Variants in BICRAL observed in about 807,000 individuals in gnomAD.
BICRAL encodes BRD4-interacting chromatin-remodeling complex-associated protein-like.
Under a neutral mutation model 91.8 loss-of-function variants are expected in BICRAL, and 8 were observed. The ratio of observed to expected loss-of-function variants is 0.09; its 90% CI spans 0.05 to 0.16. BICRAL has a LOEUF of 0.16. Ranked by LOEUF, BICRAL falls within the 10% of genes least tolerant of loss-of-function variation. The probability of loss-of-function intolerance (pLI) is 1.00; values close to 1 mark genes in which losing one functional copy is unlikely to be tolerated. For synonymous variants in BICRAL, 445 were observed against 491.1 expected, an observed-to-expected ratio of 0.91 and a Z score of 1.24; for missense variants, 1,038 against 1,310.9, an observed-to-expected ratio of 0.79 and a Z score of 3.21.
intron 1 of BICRAL, among the ~76,000 whole-genome samples, chr6:42,802,594 A>ATGTGC (rs1763609702): frequency 6.6e-6 from 1 of 152,018 alleles, no homozygotes; most frequent in Admixed American, 6.6e-5. Flanking sequence ...GATTACAGGC[A>ATGTGC]CACACCAGCA....
At chr6:42,750,789 G>A (rs1346131484) in intron 1 of BICRAL, among the ~76,000 whole-genome samples, 2 of 151,478 alleles carry the variant, frequency 1.3e-5, no homozygotes, top group Admixed American at 1.3e-4. Context: ...GTTGGGCCAG[G>A]CTGGTCTTGA....
At chr6:42,808,194 C>T (rs527281325) in intron 1 of BICRAL, among the ~76,000 whole-genome samples, 3 of 149,792 alleles carry the variant, frequency 2.0e-5, no homozygotes, top group East Asian at 2.0e-4. Context: ...TGCAATGGTG[C>T]GATCTTGGCT....
In BICRAL at chr6:42,829,617, A is replaced by G. The variant is rs3823422; in HGVS notation, c.1284A>G (p.Gln428=). The G allele has an allele frequency of 1.8e-5, 29 of 1,613,776 alleles. No individual in the cohort carries two copies. In the East Asian group the frequency reaches 4.9e-4, roughly 27 times the overall value. Residue 428 remains glutamine, a synonymous_variant, in exon 6 of 13, where the codon CAA becomes CAG. Coordinates refer to ENST00000314073, the MANE Select transcript of BICRAL (RefSeq NM_001393499.1). The stretch of plus-strand genomic sequence containing the variant: ...TAAATGGGCAACTTCTTCAAACTCA[A>G]CCCTCTCAGCTCATTTCTGGCCAAG... ...QTINGQLLQT[Q]PSQLISGQVA...
At chr6:42,863,417 G>A (rs2114049542) in intron 12 of BICRAL, among the ~76,000 whole-genome samples, 1 of 152,256 alleles carries the variant, frequency 6.6e-6, no homozygotes, top group African/African-American at 2.4e-5. Flanking sequence ...CACAGACGCA[G>A]CTCCTACATA....
At chr6:42,774,464 C>T (rs564365047) in intron 1 of BICRAL, among the ~76,000 whole-genome samples, 7 of 152,238 alleles carry the variant, frequency 4.6e-5, no homozygotes, top group Admixed American at 2.6e-4. Flanking sequence ...TTCACCAGGC[C>T]GCGTGCGAAA....
At chr6:42,844,522 A>C (rs1764928646) in intron 6 of BICRAL, among the ~76,000 whole-genome samples, 1 of 94,002 alleles carries the variant, frequency 1.1e-5, no homozygotes, top group Non-Finnish European at 2.0e-5. Context: ...AAAAAAAAAA[A>C]AAAAAAAAAA....
chr6:42,793,555 C>T (rs2113883556), intron 1 of BICRAL, among the ~76,000 whole-genome samples: 1 of 151,690 alleles, frequency 6.6e-6, no homozygotes, highest in African/African-American at 2.4e-5. Flanking sequence ...TCCCAAAGTG[C>T]TGGGATTACA....
Position 42,866,614 on chromosome 6 carries a change from A to AC in BICRAL, c.*1170dup. 2.9e-6 allele frequency: 1 copy of AC among 342,636 alleles called. No individual in the cohort carries two copies. The highest frequency in any genetic ancestry group is 2.3e-5 in the South Asian group (1 of 43,258). The allele number at this position is 342,636 out of a possible 1,614,324, so 21.2% of individuals were successfully genotyped here. On this transcript the variant is annotated 3_prime_UTR_variant, in exon 13 of 13. Coordinates refer to ENST00000314073, the MANE Select transcript of BICRAL (RefSeq NM_001393499.1). ...CAATTCATTACCAAAACACAGACAA[A>AC]CCAAAGGTAACCAGCTAGCCCACCA...
At chr6:42,847,205 G>A (rs1397971699) in intron 6 of BICRAL, among the ~76,000 whole-genome samples, 2 of 152,124 alleles carry the variant, frequency 1.3e-5, no homozygotes, top group African/African-American at 2.4e-5. Context: ...AGCTAAGATC[G>A]TGCCACTACA....
intron 6 of BICRAL, among the ~76,000 whole-genome samples, chr6:42,845,209 T>G (rs1262488788): frequency 1.5e-4 from 6 of 39,554 alleles, no homozygotes; most frequent in South Asian, 8.6e-4. Flanking sequence ...TTTTTTTTTT[T>G]TTTTTTTTTT....
At chr6:42,776,893 A>G (rs1428091889) in intron 1 of BICRAL, among the ~76,000 whole-genome samples, 2 of 152,214 alleles carry the variant, frequency 1.3e-5, no homozygotes, top group Non-Finnish European at 2.9e-5. Flanking sequence ...AAGGAGATCT[A>G]CTTTACCCCC....
chr6:42,794,482 C>A (rs1249233387), intron 1 of BICRAL, among the ~76,000 whole-genome samples: 1 of 151,160 alleles, frequency 6.6e-6, no homozygotes, highest in Admixed American at 6.6e-5. Flanking sequence ...ACCTTGAACT[C>A]CTGGAGTCAA....
intron 8 of BICRAL, 152 bp from the exon 9 acceptor site, chr6:42,855,704 T>C (rs565769661): frequency 8.2e-6 from 5 of 609,080 alleles, no homozygotes; most frequent in African/African-American, 7.4e-5. Flanking sequence ...GTACTGGTTT[T>C]TTTTTTTTTA....
intron 2 of BICRAL, among the ~76,000 whole-genome samples, chr6:42,814,148 A>T (rs1763912409): frequency 6.6e-6 from 1 of 150,392 alleles, no homozygotes; most frequent in Non-Finnish European, 1.5e-5. Context: ...ATTATTAGGA[A>T]GTTATGACTC....
At chr6:42,795,997 C>A (rs1299907545) in intron 1 of BICRAL, among the ~76,000 whole-genome samples, 6 of 152,142 alleles carry the variant, frequency 3.9e-5, no homozygotes, top group Admixed American at 3.9e-4. Context: ...ATGATTAGTA[C>A]AAGCAAGAGC....
intron 6 of BICRAL, among the ~76,000 whole-genome samples, chr6:42,836,619 CTTTTTTTTTTTT>C (rs962446384): frequency 8.0e-6 from 1 of 125,358 alleles, no homozygotes; most frequent in Non-Finnish European, 1.7e-5. Context: ...TGTGTAGTTT[CTTTTTTTTTTTT>C]TTTTTTTTGA....
chr6:42,784,336 A>G (rs1582814793), intron 1 of BICRAL, among the ~76,000 whole-genome samples: 1 of 152,272 alleles, frequency 6.6e-6, no homozygotes, highest in South Asian at 2.1e-4. Flanking sequence ...TTATTATTGA[A>G]AAGAGGAGGG....
At chr6:42,814,499 G>GTGTGTGTGTGTA (rs374054837) in intron 2 of BICRAL, among the ~76,000 whole-genome samples, 5 of 61,268 alleles carry the variant, frequency 8.2e-5, no homozygotes, top group African/African-American at 7.9e-5. Flanking sequence ...GTGTGTGTGT[G>GTGTGTGTGTGTA]TATATATATA....
intron 10 of BICRAL, among the ~76,000 whole-genome samples, chr6:42,858,327 C>T (rs1429449502): frequency 6.7e-6 from 1 of 149,776 alleles, no homozygotes; most frequent in African/African-American, 2.5e-5. Flanking sequence ...ACCAGCCTGG[C>T]CAACATGGTG....
Sources: gnomAD v4.1 joint callset for allele counts (sites outside exome capture counted in the v4.1 genomes callset) on GRCh38, gnomAD v4.1.1 for gene constraint, MANE v1.5 for transcripts, NCBI Gene and HGNC (gene_info 2026-07-23, HGNC 2026-07-21) for gene names.